The following RASEF variants were observed in gnomAD, a reference collection of about 807,000 sequenced individuals.
RASEF encodes ras and EF-hand domain-containing protein.
RASEF carries 68 observed loss-of-function variants against 90.1 expected under a neutral mutation model. The observed-to-expected ratio is 0.75, with a 90% CI of 0.62 to 0.92. RASEF has a LOEUF of 0.92. Ranked by LOEUF, RASEF falls within the 40% of genes least tolerant of loss-of-function variation. The probability of loss-of-function intolerance (pLI) is 0.00; values close to 1 mark genes in which losing one functional copy is unlikely to be tolerated. For synonymous variants in RASEF, 331 were observed against 345.2 expected (o/e 0.96, Z 0.46); for missense variants, 949 against 937.2 (o/e 1.01, Z -0.16).
chr9:83,040,880 G>A (rs1829827386), intron 1 of RASEF, among the ~76,000 whole-genome samples: 1 of 152,004 alleles, frequency 6.6e-6, no homozygotes. Flanking sequence ...TATTTTTTGA[G>A]ACAGAGTTTC....
At chr9:83,177,259 T>C in the RASEF span, among the ~76,000 whole-genome samples, 2 of 152,176 alleles carry the variant, frequency 1.3e-5, no homozygotes, top group East Asian at 3.8e-4. Flanking sequence ...GGTACAAAAG[T>C]AACTGTGGTT....
At chr9:83,146,692 T>C in the RASEF span, among the ~76,000 whole-genome samples, 2 of 152,136 alleles carry the variant, frequency 1.3e-5, no homozygotes, top group African/African-American at 4.8e-5. Context: ...ACAAGGAACT[T>C]AACACCCTTC....
At chr9:83,099,435 G>A in the RASEF span, among the ~76,000 whole-genome samples, 19 of 152,274 alleles carry the variant, frequency 1.2e-4, no homozygotes, top group African/African-American at 3.4e-4. Flanking sequence ...ACCGTGTTAC[G>A]CTAAGTTATT....
chr9:82,985,542 CTG>C (rs1828696246), intron 16 of RASEF, among the ~76,000 whole-genome samples: 2 of 152,126 alleles, frequency 1.3e-5, no homozygotes, highest in South Asian at 2.1e-4. Flanking sequence ...AGCTGGGACT[CTG>C]TGTTTTCAGT....
At chr9:83,087,258 A>AC in the RASEF span, among the ~76,000 whole-genome samples, 4 of 152,228 alleles carry the variant, frequency 2.6e-5, no homozygotes, top group South Asian at 8.3e-4. Flanking sequence ...TGAATCCCTA[A>AC]CCCCCAGTGT....
chr9:83,113,929 C>T, the RASEF span, among the ~76,000 whole-genome samples: 1 of 152,146 alleles, frequency 6.6e-6, no homozygotes, highest in East Asian at 1.9e-4. Flanking sequence ...TTGTACACCC[C>T]CTCTCCTTTT....
chr9:83,079,298 T>C, the RASEF span, among the ~76,000 whole-genome samples: 10 of 152,350 alleles, frequency 6.6e-5, no homozygotes, highest in Admixed American at 4.6e-4. Flanking sequence ...GCAAAATTTA[T>C]TGAATAGGGA....
chr9:83,162,613 A>G, the RASEF span, among the ~76,000 whole-genome samples: 1 of 152,234 alleles, frequency 6.6e-6, no homozygotes, highest in Admixed American at 6.5e-5. Flanking sequence ...AATAAGTAGA[A>G]AGCTGAAAGA....
intron 1 of RASEF, among the ~76,000 whole-genome samples, chr9:83,029,568 T>TA (rs1829607703): frequency 6.6e-6 from 1 of 151,170 alleles, no homozygotes. Context: ...AATTTTTTTT[T>TA]TTTTTTTTTG....
the RASEF span, among the ~76,000 whole-genome samples, chr9:83,173,027 T>C: frequency 2.0e-5 from 3 of 151,994 alleles, no homozygotes; most frequent in Non-Finnish European, 4.4e-5. Context: ...GTATACTTGG[T>C]TGAATGTTTT....
At chr9:83,161,403 T>G in the RASEF span, among the ~76,000 whole-genome samples, 4 of 149,758 alleles carry the variant, frequency 2.7e-5, no homozygotes, top group African/African-American at 7.3e-5. Flanking sequence ...GGTTTCAGAC[T>G]TGCATGGGGC....
chr9:83,028,764 A>G (rs1383476150), intron 1 of RASEF, among the ~76,000 whole-genome samples: 1 of 152,216 alleles, frequency 6.6e-6, no homozygotes. Flanking sequence ...CCACAACATC[A>G]TGAAGTACCT....
chr9:83,000,426 C>T lies in RASEF; in HGVS notation c.1575+7G>A. The T allele has an allele frequency of 6.2e-7, 1 of 1,613,260 alleles. No individual in the cohort carries two copies. The highest frequency in any genetic ancestry group is 8.5e-7 in the Non-Finnish European group (1 of 1,179,744). On this transcript the variant is annotated splice_region_variant and intron_variant, in intron 11 of 16. Transcript: ENST00000376447. ...TCATGAATAGGAGTGTCTCGGAGAC[C>T]ACCTACCTGGGGCGAGAGTGCTGAG...
At chr9:83,184,419 C>G in the RASEF span, among the ~76,000 whole-genome samples, 1 of 152,160 alleles carries the variant, frequency 6.6e-6, no homozygotes, top group Admixed American at 6.5e-5. Flanking sequence ...GGGAATGCCC[C>G]TCTCCACGGC....
At chr9:83,167,441 C>T in the RASEF span, among the ~76,000 whole-genome samples, 126 of 151,682 alleles carry the variant, frequency 8.3e-4, no homozygotes, top group African/African-American at 3.0e-3. Flanking sequence ...GATGGAGACA[C>T]CAGCACGTTG....
Position 83,000,488 on chromosome 9 carries a change from C to G in RASEF, c.1520G>C (p.Ser507Thr), listed in dbSNP as rs1394690795. 6.2e-7 allele frequency: 1 copy of G among 1,614,048 alleles called. No homozygotes were observed. Reference protein sequence around the residue: ...VLDWKPQGSVSEGSIVSSSRK... With the variant: ...VLDWKPQGSVTEGSIVSSSRK... ...TGATGAACTAACAATGCTGCCTTCA[C>G]TAACAGACCCTTGGGGCTTCCAGTC... is the stretch of plus-strand genomic sequence containing the variant. The change falls in exon 11 of 17, where the codon AGT becomes ACT. Residue 507 changes from serine to threonine, a missense_variant. Physicochemically the swap from Ser to Thr is moderately conservative, Grantham distance 58. Coordinates refer to ENST00000376447, the MANE Select transcript of RASEF (RefSeq NM_152573.4).
At chr9:83,152,541 C>T in the RASEF span, among the ~76,000 whole-genome samples, 2 of 152,178 alleles carry the variant, frequency 1.3e-5, no homozygotes, top group African/African-American at 4.8e-5. Context: ...AATCCATTGC[C>T]TTAATCCACT....
chr9:83,056,649 T>C (rs1297937757), intron 1 of RASEF, among the ~76,000 whole-genome samples: 8 of 152,128 alleles, frequency 5.3e-5, no homozygotes, highest in Non-Finnish European at 8.8e-5. Context: ...CTTAAAGAGA[T>C]AGGGGTAGTG....
At chr9:83,038,623 C>A (rs1274922452) in intron 1 of RASEF, among the ~76,000 whole-genome samples, 3 of 151,808 alleles carry the variant, frequency 2.0e-5, no homozygotes, top group Non-Finnish European at 4.4e-5. Context: ...TTTTAATATT[C>A]ACATAAGTGA....
Sources: gnomAD v4.1 joint callset for allele counts (sites outside exome capture counted in the v4.1 genomes callset) on GRCh38, gnomAD v4.1.1 for gene constraint, MANE v1.5 for transcripts, NCBI Gene and HGNC (gene_info 2026-07-23, HGNC 2026-07-21) for gene names.